The following PLPP3 variants were observed in gnomAD, a reference collection of about 807,000 sequenced individuals.
The protein encoded by PLPP3 is PAP2 beta.
A neutral mutation model predicts 29.6 loss-of-function variants in PLPP3; 6 were observed. The observed-to-expected ratio is 0.20, with a 90% CI of 0.11 to 0.40. PLPP3 has a LOEUF of 0.40. PLPP3 is among the 10% of genes least tolerant of loss of function. The pLI, the probability that PLPP3 is intolerant of heterozygous loss-of-function variation, is 1.00. For missense variants in PLPP3, 308 were observed against 407.7 expected (o/e 0.76, Z 2.11); for synonymous variants, 152 against 159.7 (o/e 0.95, Z 0.36).
chr1:56,576,361 C>A (rs139270930), intron 1 of PLPP3, among the ~76,000 whole-genome samples: 1 of 152,094 alleles, frequency 6.6e-6, no homozygotes, highest in Non-Finnish European at 1.5e-5. Flanking sequence ...AAAGTGGAAA[C>A]AATTTTTTTT....
chr1:56,551,286 G>GTTTGC (rs1557511325), intron 1 of PLPP3, among the ~76,000 whole-genome samples: 1 of 122,082 alleles, frequency 8.2e-6, no homozygotes, highest in African/African-American at 2.6e-5. Context: ...TTGGGGTTTG[G>GTTTGC]TTTGGTTCGG....
At chr1:56,551,289 TGGTTCGGTTCGGTTC>T (rs1169681447) in intron 1 of PLPP3, among the ~76,000 whole-genome samples, 13 of 149,124 alleles carry the variant, frequency 8.7e-5, no homozygotes, top group East Asian at 1.9e-4. Context: ...GGGTTTGGTT[TGGTTCGGTTCGGTTC>T]GGTTCGGTTC....
chr1:56,579,065 C>G lies in PLPP3; in HGVS notation c.-49G>C. On this transcript the variant is annotated 5_prime_UTR_variant, in exon 1 of 6. Coordinates refer to ENST00000371250, the MANE Select transcript of PLPP3 (RefSeq NM_003713.5). ...CCCGCCCCGCGAAGACGTCCCGCAA[C>G]AGCAGCCACACACCCAGGCGCCCGG... The G allele has an allele frequency of 1.3e-6, 2 of 1,568,866 alleles. No individual in the cohort carries two copies.
chr1:56,557,734 G>A (rs1212033940), intron 1 of PLPP3, among the ~76,000 whole-genome samples: 1 of 152,154 alleles, frequency 6.6e-6, no homozygotes, highest in Non-Finnish European at 1.5e-5. Context: ...AGACATGCTG[G>A]TGAAGCTGAC....
intron 5 of PLPP3, among the ~76,000 whole-genome samples, chr1:56,496,906 A>G (rs1478971524): frequency 6.6e-6 from 1 of 152,220 alleles, no homozygotes; most frequent in East Asian, 1.9e-4. Flanking sequence ...ACACTGGTTC[A>G]GTAGAATCCA....
At chr1:56,538,411 GC>G in intron 1 of PLPP3, 1 of 365,682 alleles carries the variant, frequency 2.7e-6, no homozygotes, top group Non-Finnish European at 5.5e-6. Flanking sequence ...AAACACAGTG[GC>G]CTTTCAGCTG....
chr1:56,557,356 G>T (rs544042048), intron 1 of PLPP3, among the ~76,000 whole-genome samples: 7 of 151,542 alleles, frequency 4.6e-5, no homozygotes, highest in African/African-American at 1.7e-4. Flanking sequence ...CCAGCCTGGT[G>T]ACAAAGCGAG....
At chr1:56,527,201 G>C (rs1645858080) in intron 2 of PLPP3, among the ~76,000 whole-genome samples, 1 of 152,262 alleles carries the variant, frequency 6.6e-6, no homozygotes, top group African/African-American at 2.4e-5. Flanking sequence ...ATAGTAAATT[G>C]CAAAGTAAAA....
intron 1 of PLPP3, among the ~76,000 whole-genome samples, chr1:56,572,405 A>G (rs1268944760): frequency 6.6e-6 from 1 of 152,138 alleles, no homozygotes; most frequent in Non-Finnish European, 1.5e-5. Context: ...GGAATGACCC[A>G]AGTGAGAGTT....
intron 1 of PLPP3, among the ~76,000 whole-genome samples, chr1:56,563,635 C>T (rs1646144498): frequency 6.6e-6 from 1 of 152,174 alleles, no homozygotes; most frequent in African/African-American, 2.4e-5. Flanking sequence ...TCTAGCAGAG[C>T]ATTTTCCCTG....
At chr1:56,497,764 G>A (rs1274876678) in intron 5 of PLPP3, among the ~76,000 whole-genome samples, 1 of 152,144 alleles carries the variant, frequency 6.6e-6, no homozygotes, top group East Asian at 1.9e-4. Flanking sequence ...CAAAACTAAG[G>A]CTCTGGCGAT....
At chr1:56,528,505 G>T (rs1254516246) in intron 2 of PLPP3, among the ~76,000 whole-genome samples, 2 of 152,080 alleles carry the variant, frequency 1.3e-5, no homozygotes, top group Non-Finnish European at 2.9e-5. Flanking sequence ...ATTACCTTAG[G>T]CATGTGACTT....
At position 56,529,036 on chromosome 1, in the gene PLPP3, G is replaced by C. The variant is rs576276499; in HGVS notation, c.298-4482C>G. Reference sequence around the variant, plus strand: ...TCATCTTCCACCGCTGAGTCTGAAGGACAAACTTTCCTATACTCTGATCTG... The same window carrying C: ...TCATCTTCCACCGCTGAGTCTGAAGCACAAACTTTCCTATACTCTGATCTG... On this transcript the variant is annotated intron_variant, in intron 2 of 5. Transcript: ENST00000371250. Among the ~76,000 whole-genome samples, 18 of 151,782 alleles carry C rather than the reference G, an allele frequency of 1.2e-4. No homozygotes were observed. The East Asian group carries it at 3.5e-3, about 29-fold the overall frequency.
chr1:56,579,320 C>T lies in PLPP3; in HGVS notation c.-304G>A, dbSNP rs1220257348. 3 of 343,318 alleles carry T rather than the reference C, an allele frequency of 8.7e-6. No homozygotes were observed. Among genetic ancestry groups the T allele is most frequent in the African/African-American group, 6.7e-5 (3 of 44,766 alleles). The allele number at this position is 343,318 out of a possible 1,614,324, so 21.3% of individuals were successfully genotyped here. ...TTGCAGAGCTGCGCAGCTTGGGGCG[C>T]GCTGTTGTGGCGCGCGTCTGAGTGC... On this transcript the variant is annotated 5_prime_UTR_variant, in exon 1 of 6. Transcript: ENST00000371250.
At chr1:56,557,001 A>AGAAG (rs1569594245) in intron 1 of PLPP3, among the ~76,000 whole-genome samples, 3 of 7,474 alleles carry the variant, frequency 4.0e-4, no homozygotes, top group East Asian at 2.5e-3. Context: ...AAAGAAAGAA[A>AGAAG]GAAAGAAAGA....
intron 4 of PLPP3, among the ~76,000 whole-genome samples, chr1:56,520,910 C>CAAAAAAAAAA (rs1169318077): frequency 3.2e-5 from 2 of 61,914 alleles, no homozygotes; most frequent in East Asian, 5.7e-4. Flanking sequence ...GACTCCATCT[C>CAAAAAAAAAA]AAAAAAAAAA....
chr1:56,501,545 C>A (rs1186855799), intron 5 of PLPP3, among the ~76,000 whole-genome samples: 1 of 152,148 alleles, frequency 6.6e-6, no homozygotes, highest in African/African-American at 2.4e-5. Flanking sequence ...AACCATCAAT[C>A]TACTTTCTGT....
chr1:56,521,631 G>A (rs1448193869), intron 4 of PLPP3, among the ~76,000 whole-genome samples: 11 of 151,926 alleles, frequency 7.2e-5, no homozygotes, highest in Admixed American at 7.2e-4. Flanking sequence ...TCAAACTGCT[G>A]GCCTCAAGGG....
intron 2 of PLPP3, among the ~76,000 whole-genome samples, chr1:56,531,065 AGAT>A (rs1212533528): frequency 7.9e-5 from 12 of 152,208 alleles, no homozygotes; most frequent in African/African-American, 2.9e-4. Flanking sequence ...CTAAAAATGA[AGAT>A]GATGACAGTA....
Sources: allele counts gnomAD v4.1 joint callset (sites outside exome capture counted in the v4.1 genomes callset), GRCh38; gene constraint gnomAD v4.1.1; transcripts MANE v1.5; gene names NCBI Gene and HGNC (gene_info 2026-07-23, HGNC 2026-07-21).